The following YAF2 variants were observed in gnomAD, a reference collection of about 807,000 sequenced individuals.
The protein encoded by YAF2 is YY1 associated factor 2, also known as YY1-associated factor 2.
In YAF2, 7 loss-of-function variants were observed where a neutral mutation model predicts 20.1. The ratio of observed to expected loss-of-function variants is 0.35; its 90% CI spans 0.20 to 0.65. The LOEUF is 0.65. YAF2 is among the 30% of genes least tolerant of loss of function. The pLI, the probability that YAF2 is intolerant of heterozygous loss-of-function variation, is 0.69. For synonymous variants in YAF2, 74 were observed against 76.0 expected, an observed-to-expected ratio of 0.97 and a Z score of 0.14; for missense variants, 151 against 219.2, an observed-to-expected ratio of 0.69 and a Z score of 1.96.
intron 2 of YAF2, chr12:42,232,787 T>G: frequency 1.0e-6 from 1 of 985,488 alleles, no homozygotes; most frequent in Non-Finnish European, 1.2e-6. Flanking sequence ...TCTTTCAGAA[T>G]GTGGATTTTA....
At chr12:42,161,868 C>CTTG in intron 2 of YAF2, 103 bp from the exon 3 acceptor site, 3 of 1,064,938 alleles carry the variant, frequency 2.8e-6, no homozygotes, top group Non-Finnish European at 4.0e-6. Context: ...ATAACAATAA[C>CTTG]TTTCAAGTAT....
At chr12:42,178,630 T>TA (rs971608371) in intron 2 of YAF2, among the ~76,000 whole-genome samples, 43 of 150,214 alleles carry the variant, frequency 2.9e-4, no homozygotes, top group Non-Finnish European at 4.6e-4. Flanking sequence ...TTTTTTAAAA[T>TA]AAAAAAAAAA....
intron 2 of YAF2, among the ~76,000 whole-genome samples, chr12:42,168,718 A>G (rs551112117): frequency 6.6e-6 from 1 of 152,322 alleles, no homozygotes; most frequent in African/African-American, 2.4e-5. Flanking sequence ...TTCTCAAAGT[A>G]GTTACAGTAA....
chr12:42,197,515 C>T (rs2066784906), intron 2 of YAF2, among the ~76,000 whole-genome samples: 1 of 152,184 alleles, frequency 6.6e-6, no homozygotes, highest in African/African-American at 2.4e-5. Context: ...CTAAACGCTG[C>T]ACTAACTACG....
At chr12:42,198,019 T>TA (rs577841327) in intron 2 of YAF2, among the ~76,000 whole-genome samples, 56 of 151,308 alleles carry the variant, frequency 3.7e-4, no homozygotes, top group Admixed American at 1.1e-3. Context: ...GAAAAAAAGT[T>TA]AAAAAAAAAT....
chr12:42,184,849 G>C (rs2066430690), intron 2 of YAF2, among the ~76,000 whole-genome samples: 1 of 152,184 alleles, frequency 6.6e-6, no homozygotes, highest in African/African-American at 2.4e-5. Context: ...TTTCAGTGGA[G>C]GAAGTAACAG....
At chr12:42,235,854 A>G (rs2068134783) in intron 2 of YAF2, 1 of 1,535,580 alleles carries the variant, frequency 6.5e-7, no homozygotes, top group Non-Finnish European at 8.7e-7. Context: ...CCTGTGTACT[A>G]TATTCCTTCT....
chr12:42,177,807 A>G (rs1221286011), intron 2 of YAF2, among the ~76,000 whole-genome samples: 1 of 152,132 alleles, frequency 6.6e-6, no homozygotes, highest in South Asian at 2.1e-4. Flanking sequence ...TTTTTACTGT[A>G]TATGAATGCC....
intron 2 of YAF2, among the ~76,000 whole-genome samples, chr12:42,208,988 G>C (rs1435488945): frequency 6.6e-6 from 1 of 152,110 alleles, no homozygotes; most frequent in Non-Finnish European, 1.5e-5. Context: ...TTTAGAAATA[G>C]AACCTAGTAA....
At chr12:42,231,315 A>T (rs577787440) in intron 2 of YAF2, 1 of 152,220 alleles carries the variant, frequency 6.6e-6, no homozygotes, top group Non-Finnish European at 1.5e-5. Context: ...GCAAACCTCT[A>T]ACATCTGGTT....
intron 2 of YAF2, among the ~76,000 whole-genome samples, chr12:42,202,442 A>T (rs902211023): frequency 2.0e-5 from 3 of 152,182 alleles, no homozygotes; most frequent in African/African-American, 7.2e-5. Context: ...TTCCAAGATG[A>T]CCACAATTCT....
At chr12:42,222,518 T>C (rs2067549379) in intron 2 of YAF2, among the ~76,000 whole-genome samples, 1 of 152,246 alleles carries the variant, frequency 6.6e-6, no homozygotes, top group African/African-American at 2.4e-5. Context: ...GATGAGCAAA[T>C]AGAAGGATAT....
At chr12:42,237,505 C>G in intron 2 of YAF2, 94 bp downstream of exon 2, 1 of 1,372,264 alleles carries the variant, frequency 7.3e-7, no homozygotes, top group Non-Finnish European at 9.5e-7. Context: ...CCCGCCGGGT[C>G]CGCCAGTGTC....
At chr12:42,176,384 G>A (rs11181369) in intron 2 of YAF2, among the ~76,000 whole-genome samples, 1 of 151,954 alleles carries the variant, frequency 6.6e-6, no homozygotes, top group South Asian at 2.1e-4. Context: ...GCCACCCAAA[G>A]TGCTGGGATT....
chr12:42,229,353 T>C (rs943025530), intron 2 of YAF2, among the ~76,000 whole-genome samples: 1 of 138,924 alleles, frequency 7.2e-6, no homozygotes, highest in African/African-American at 2.7e-5. Context: ...CCCTCCACTA[T>C]TGTCCCATGA....
intron 2 of YAF2, among the ~76,000 whole-genome samples, chr12:42,213,684 A>T (rs2067273956): frequency 6.6e-6 from 1 of 152,230 alleles, no homozygotes; most frequent in Non-Finnish European, 1.5e-5. Context: ...CATGCAAATC[A>T]TTCTGCTTTA....
chr12:42,185,493 T>C (rs1042588786), intron 2 of YAF2, among the ~76,000 whole-genome samples: 8 of 152,364 alleles, frequency 5.3e-5, no homozygotes, highest in African/African-American at 1.9e-4. Flanking sequence ...CAGCACTGCA[T>C]GCTACAGATG....
At chr12:42,169,568 C>T (rs1282672368) in intron 2 of YAF2, among the ~76,000 whole-genome samples, 1 of 152,024 alleles carries the variant, frequency 6.6e-6, no homozygotes, top group Non-Finnish European at 1.5e-5. Flanking sequence ...CATGCCCCAC[C>T]ACACCGGGCT....
chr12:42,204,916 G>T (rs796370971), intron 2 of YAF2, among the ~76,000 whole-genome samples: 2 of 152,052 alleles, frequency 1.3e-5, no homozygotes, highest in Non-Finnish European at 2.9e-5. Context: ...AAGGATAGAG[G>T]GTTAGGAGAG....
Sources: allele counts gnomAD v4.1 joint callset (sites outside exome capture counted in the v4.1 genomes callset), GRCh38; gene constraint gnomAD v4.1.1; transcripts MANE v1.5; gene names NCBI Gene and HGNC (gene_info 2026-07-23, HGNC 2026-07-21).